RGS8: variants seen among roughly 807,000 people sequenced by gnomAD.
The protein encoded by RGS8 is regulator of G-protein signaling 8.
A neutral mutation model predicts 21.7 loss-of-function variants in RGS8; 8 were observed. The observed-to-expected ratio is 0.37, with a 90% confidence interval of 0.22 to 0.66. RGS8 has a LOEUF of 0.66. RGS8 is among the 30% of genes least tolerant of loss of function. The probability of loss-of-function intolerance (pLI) is 0.59; values close to 1 mark genes in which losing one functional copy is unlikely to be tolerated. For missense variants in RGS8, 157 were observed against 217.9 expected (o/e 0.72, Z 1.76); for synonymous variants, 80 against 83.6 (o/e 0.96, Z 0.24).
chr1:182,711,279 C>T, the RGS8 span, among the ~76,000 whole-genome samples: 2 of 152,194 alleles, frequency 1.3e-5, no homozygotes, highest in African/African-American at 4.8e-5. Context: ...GTGGCCACTG[C>T]ACCATGATGT....
the RGS8 span, among the ~76,000 whole-genome samples, chr1:182,691,157 G>A: frequency 6.6e-6 from 1 of 152,192 alleles, no homozygotes; most frequent in Non-Finnish European, 1.5e-5. Flanking sequence ...CAAACTAGAA[G>A]AATTGCCCAA....
rs530242545 is a variant in RGS8, at chr1:182,666,454, C to T, written c.128+418G>A. 3.9e-5 allele frequency among the ~76,000 whole-genome samples: 6 copies of T among 152,286 alleles called. No homozygotes were observed. The South Asian group carries it at 6.2e-4, about 16-fold the overall frequency. On this transcript the variant is annotated intron_variant, in intron 4 of 6. Transcript: ENST00000483095. Reference sequence around the variant, plus strand: ...ATTACATAGTTGTGTGAGGGTCACACAAGGTAACATCTATGATATTTAATA... The same window carrying T: ...ATTACATAGTTGTGTGAGGGTCACATAAGGTAACATCTATGATATTTAATA...
the RGS8 span, among the ~76,000 whole-genome samples, chr1:182,741,385 C>T: frequency 3.7e-5 from 5 of 133,426 alleles, no homozygotes; most frequent in East Asian, 1.2e-3. Context: ...CCCTCCCGGA[C>T]GGGGCGGCTG....
intron 5 of RGS8, among the ~76,000 whole-genome samples, chr1:182,650,645 G>A (rs1015538641): frequency 2.0e-5 from 3 of 152,190 alleles, no homozygotes; most frequent in Admixed American, 2.0e-4. Flanking sequence ...CAGACTGCTT[G>A]AGCCCAGGAG....
chr1:182,646,470 A>C, exon 7 of RGS8: 1 of 425,250 alleles, frequency 2.4e-6, no homozygotes, highest in Admixed American at 4.0e-5. Flanking sequence ...AAGGCATTAT[A>C]TGAAGGGCAA....
At chr1:182,708,925 G>A in the RGS8 span, among the ~76,000 whole-genome samples, 1 of 152,312 alleles carries the variant, frequency 6.6e-6, no homozygotes, top group East Asian at 1.9e-4. Context: ...GCGGAAGCTT[G>A]GGGCAGGGAA....
upstream of RGS8, among the ~76,000 whole-genome samples, chr1:182,673,731 G>C (rs2102449371): frequency 6.6e-6 from 1 of 152,256 alleles, no homozygotes; most frequent in Non-Finnish European, 1.5e-5. Flanking sequence ...TTGGGGTTTA[G>C]AACTTAAGCA....
chr1:182,695,355 C>A, the RGS8 span, among the ~76,000 whole-genome samples: 5 of 152,182 alleles, frequency 3.3e-5, no homozygotes, highest in Admixed American at 6.5e-5. Flanking sequence ...ACTCACATTT[C>A]GCAGAACACT....
At chr1:182,681,172 G>A (rs867503924) in intron 1 of RGS8, among the ~76,000 whole-genome samples, 2 of 152,306 alleles carry the variant, frequency 1.3e-5, no homozygotes, top group Non-Finnish European at 1.5e-5. Flanking sequence ...TGTGGAGGCT[G>A]CATGGATGGG....
At chr1:182,718,856 A>G in the RGS8 span, among the ~76,000 whole-genome samples, 2 of 152,214 alleles carry the variant, frequency 1.3e-5, no homozygotes, top group Admixed American at 6.5e-5. Flanking sequence ...CTTGAATCCA[A>G]TCTCAACAAA....
At chr1:182,691,755 G>A in the RGS8 span, among the ~76,000 whole-genome samples, 1 of 151,630 alleles carries the variant, frequency 6.6e-6, no homozygotes, top group Non-Finnish European at 1.5e-5. Flanking sequence ...TTGAAAGCTG[G>A]AACAAGACAA....
At chr1:182,741,012 C>T in the RGS8 span, among the ~76,000 whole-genome samples, 1 of 146,584 alleles carries the variant, frequency 6.8e-6, no homozygotes, top group Non-Finnish European at 1.5e-5. Flanking sequence ...CCTTTCCCCC[C>T]TTTCTATTCT....
chr1:182,695,597 C>G, the RGS8 span, among the ~76,000 whole-genome samples: 1 of 152,226 alleles, frequency 6.6e-6, no homozygotes, highest in Non-Finnish European at 1.5e-5. Context: ...GCTGGGACTA[C>G]AGGCACATGC....
the RGS8 span, among the ~76,000 whole-genome samples, chr1:182,737,055 G>A: frequency 6.6e-6 from 1 of 152,070 alleles, no homozygotes; most frequent in African/African-American, 2.4e-5. Flanking sequence ...TGCTTCCCTT[G>A]GTAGCTCTAG....
At chr1:182,750,673 T>C in the RGS8 span, among the ~76,000 whole-genome samples, 1 of 152,240 alleles carries the variant, frequency 6.6e-6, no homozygotes, top group Admixed American at 6.5e-5. Flanking sequence ...TTTTAAGTTT[T>C]ATCATGCAAC....
the RGS8 span, among the ~76,000 whole-genome samples, chr1:182,711,408 G>A: frequency 3.3e-5 from 5 of 152,172 alleles, no homozygotes; most frequent in African/African-American, 1.2e-4. Flanking sequence ...AAATGACACA[G>A]GTCCCACCTC....
upstream of RGS8, among the ~76,000 whole-genome samples, chr1:182,674,024 G>T (rs79462148): frequency 0.015 from 2,287 of 152,260 alleles, 56 homozygotes; most frequent in African/African-American, 0.052. Flanking sequence ...AAACAGAGAC[G>T]CGTCATTTAA....
the RGS8 span, among the ~76,000 whole-genome samples, chr1:182,704,070 G>T: frequency 1.3e-5 from 2 of 152,212 alleles, no homozygotes; most frequent in South Asian, 4.1e-4. Flanking sequence ...TTAACTATAA[G>T]CCTAAATAGG....
chr1:182,746,807 C>T, the RGS8 span, among the ~76,000 whole-genome samples: 9 of 152,210 alleles, frequency 5.9e-5, no homozygotes, highest in East Asian at 3.9e-4. Flanking sequence ...AGGACTGCTT[C>T]GAGTTAAAAT....
Sources: allele counts gnomAD v4.1 joint callset (sites outside exome capture counted in the v4.1 genomes callset), GRCh38; gene constraint gnomAD v4.1.1; transcripts MANE v1.5; gene names NCBI Gene and HGNC (gene_info 2026-07-23, HGNC 2026-07-21).